Variants in DCDC2 observed in about 807,000 individuals in gnomAD.
DCDC2 encodes the protein doublecortin domain-containing protein 2.
In DCDC2, 40 loss-of-function variants were observed where a neutral mutation model predicts 50.2. The ratio of observed to expected loss-of-function variants is 0.80; its 90% CI spans 0.62 to 1.04. DCDC2 has a LOEUF of 1.04. Among genes scored for constraint, DCDC2 ranks in the 50% least tolerant of loss-of-function variants. The probability of loss-of-function intolerance (pLI) is 0.00; values close to 1 mark genes in which losing one functional copy is unlikely to be tolerated. For synonymous variants in DCDC2, 234 were observed against 210.6 expected, an observed-to-expected ratio of 1.11 and a Z score of -0.96; for missense variants, 570 against 581.9, an observed-to-expected ratio of 0.98 and a Z score of 0.21.
intron 2 of DCDC2, among the ~76,000 whole-genome samples, chr6:24,332,356 C>T (rs1458344660): frequency 6.6e-6 from 1 of 152,142 alleles, no homozygotes; most frequent in Non-Finnish European, 1.5e-5. Context: ...TAGAACTCCA[C>T]CACCATTCTG....
At chr6:24,210,977 C>T (rs1215240581) in intron 7 of DCDC2, among the ~76,000 whole-genome samples, 1 of 152,194 alleles carries the variant, frequency 6.6e-6, no homozygotes, top group African/African-American at 2.4e-5. Flanking sequence ...AAAGTTCTTT[C>T]CCCATTTTCA....
chr6:24,352,066 C>A (rs542462853), intron 2 of DCDC2, among the ~76,000 whole-genome samples: 2 of 151,838 alleles, frequency 1.3e-5, no homozygotes, highest in African/African-American at 4.8e-5. Context: ...ATCGAGCCAC[C>A]GCACTCCAGC....
At chr6:24,260,248 G>A (rs374175071) in intron 7 of DCDC2, among the ~76,000 whole-genome samples, 1 of 152,116 alleles carries the variant, frequency 6.6e-6, no homozygotes, top group Non-Finnish European at 1.5e-5. Flanking sequence ...AACTAGGAAA[G>A]CATGAATTAT....
chr6:24,283,371 G>GCTCCCTGACCAACTCAGTTACGCAA (rs1763519398), intron 6 of DCDC2, among the ~76,000 whole-genome samples: 1 of 151,824 alleles, frequency 6.6e-6, no homozygotes, highest in South Asian at 2.1e-4. Flanking sequence ...CATTCCCCAG[G>GCTCCCTGACCAACTCAGTTACGCAA]CTCCCTGACC....
chr6:24,360,350 G>C (rs1581673426), upstream of DCDC2, among the ~76,000 whole-genome samples: 1 of 152,308 alleles, frequency 6.6e-6, no homozygotes, highest in South Asian at 2.1e-4. Context: ...CTGTGTGCAA[G>C]GCCCTGTGCT....
intron 8 of DCDC2, among the ~76,000 whole-genome samples, chr6:24,183,786 A>G (rs772006773): frequency 9.8e-5 from 15 of 152,332 alleles, no homozygotes; most frequent in Non-Finnish European, 1.0e-4. Context: ...AGCAGAGCAC[A>G]ATAGGCAGGA....
intron 4 of DCDC2, among the ~76,000 whole-genome samples, chr6:24,295,582 C>T (rs1471421419): frequency 3.3e-5 from 5 of 152,122 alleles, no homozygotes; most frequent in African/African-American, 7.2e-5. Flanking sequence ...CTCACAGTCT[C>T]GGCCCAAAAG....
At chr6:24,285,226 A>C (rs1030706920) in intron 6 of DCDC2, among the ~76,000 whole-genome samples, 14 of 152,174 alleles carry the variant, frequency 9.2e-5, no homozygotes, top group Non-Finnish European at 1.6e-4. Context: ...CTGTGGAAAG[A>C]GGGACAAACT....
intron 7 of DCDC2, among the ~76,000 whole-genome samples, chr6:24,220,383 TAAC>T (rs776788785): frequency 6.6e-5 from 10 of 152,120 alleles, no homozygotes; most frequent in African/African-American, 9.7e-5. Flanking sequence ...GCAAACAAAT[TAAC>T]AACAACAAAA....
At chr6:24,268,659 C>T (rs762459234) in intron 7 of DCDC2, among the ~76,000 whole-genome samples, 6 of 152,086 alleles carry the variant, frequency 3.9e-5, no homozygotes, top group Non-Finnish European at 8.8e-5. Context: ...GCAACCCCTG[C>T]CTCCTGGGTT....
At chr6:24,321,952 T>C (rs1274090446) in intron 2 of DCDC2, among the ~76,000 whole-genome samples, 1 of 152,206 alleles carries the variant, frequency 6.6e-6, no homozygotes, top group African/African-American at 2.4e-5. Flanking sequence ...TGAAAACATG[T>C]ATGTAATGGG....
Position 24,183,662 on chromosome 6 carries a change from T to C in DCDC2, c.1024-5030A>G, listed in dbSNP as rs1325472267. On this transcript the variant is annotated intron_variant, in intron 8 of 9. Coordinates refer to ENST00000378454, the MANE Select transcript of DCDC2 (RefSeq NM_016356.5). ...ACCCTGAGAGACACATAAGGGACTC[T>C]CACGCCTTATGACTTCAGTGATTGG... is the stretch of plus-strand genomic sequence containing the variant. Among the ~76,000 whole-genome samples the C allele has an allele frequency of 2.6e-5, 4 of 152,282 alleles. No homozygotes were observed. In the South Asian group the frequency reaches 8.3e-4, roughly 32 times the overall value.
intron 8 of DCDC2, among the ~76,000 whole-genome samples, chr6:24,196,796 T>C (rs1198662820): frequency 1.3e-5 from 2 of 152,196 alleles, no homozygotes; most frequent in African/African-American, 2.4e-5. Context: ...GTCCAGTGCC[T>C]GGCACTCAGT....
intron 7 of DCDC2, among the ~76,000 whole-genome samples, chr6:24,244,663 G>C (rs1762633306): frequency 6.6e-6 from 1 of 152,140 alleles, no homozygotes; most frequent in South Asian, 2.1e-4. Context: ...CCACCTTAAA[G>C]GCCACTGCCC....
intron 7 of DCDC2, among the ~76,000 whole-genome samples, chr6:24,263,607 C>T (rs756980435): frequency 6.6e-6 from 1 of 151,956 alleles, no homozygotes; most frequent in Non-Finnish European, 1.5e-5. Context: ...GCATCAAAGT[C>T]GCTCAATAGC....
intron 8 of DCDC2, among the ~76,000 whole-genome samples, chr6:24,198,033 C>T (rs1002793529): frequency 3.3e-5 from 5 of 152,152 alleles, no homozygotes; most frequent in Non-Finnish European, 1.5e-5. Context: ...CACACACACA[C>T]ACAACTCCTA....
intron 7 of DCDC2, among the ~76,000 whole-genome samples, chr6:24,264,719 CAAAACAACCAG>C (rs919013829): frequency 1.3e-5 from 2 of 150,930 alleles, no homozygotes; most frequent in Admixed American, 1.3e-4. Flanking sequence ...AGAGAAGATC[CAAAACAACCAG>C]AAAACAACAA....
intron 8 of DCDC2, among the ~76,000 whole-genome samples, chr6:24,201,748 C>T (rs1761593723): frequency 6.6e-6 from 1 of 151,820 alleles, no homozygotes; most frequent in African/African-American, 2.4e-5. Context: ...AAATAGACCA[C>T]TAGCCAGACT....
At chr6:24,205,312 GCTGAC>G (rs1761694934) in intron 7 of DCDC2, 2 of 1,535,328 alleles carry the variant, frequency 1.3e-6, no homozygotes, top group Non-Finnish European at 1.8e-6. Flanking sequence ...TCAAAACAAG[GCTGAC>G]CCAGCAGGGT....
Sources: allele counts gnomAD v4.1 joint callset (sites outside exome capture counted in the v4.1 genomes callset), GRCh38; gene constraint gnomAD v4.1.1; transcripts MANE v1.5; gene names NCBI Gene and HGNC (gene_info 2026-07-23, HGNC 2026-07-21).